The following CSMD3 variants were observed in gnomAD, a reference collection of about 807,000 sequenced individuals.
The protein encoded by CSMD3 is CUB and Sushi multiple domains 3.
CSMD3 carries 177 observed loss-of-function variants against 435.2 expected under a neutral mutation model. The observed-to-expected ratio is 0.41, with a 90% CI of 0.36 to 0.46. The LOEUF is 0.46. Among genes scored for constraint, CSMD3 ranks in the 20% least tolerant of loss-of-function variants. CSMD3 has a pLI of 0.34. For synonymous variants in CSMD3, 1,656 were observed against 1,520.5 expected (o/e 1.09, Z -2.07); for missense variants, 4,265 against 4,504.6 (o/e 0.95, Z 1.52).
intron 15 of CSMD3, among the ~76,000 whole-genome samples, chr8:112,682,857 A>T (rs1680854374): frequency 6.6e-6 from 1 of 152,082 alleles, no homozygotes; most frequent in South Asian, 2.1e-4. Flanking sequence ...TAAAATGTGA[A>T]TTACACTCTA....
chr8:112,468,036 G>A (rs1465847414), intron 32 of CSMD3, among the ~76,000 whole-genome samples: 2 of 152,238 alleles, frequency 1.3e-5, no homozygotes, highest in African/African-American at 4.8e-5. Context: ...TAGAAAGTAA[G>A]AAGAGGATGA....
intron 17 of CSMD3, among the ~76,000 whole-genome samples, chr8:112,657,572 TA>T (rs1301435052): frequency 6.6e-6 from 1 of 152,216 alleles, no homozygotes; most frequent in South Asian, 2.1e-4. Flanking sequence ...ACATCTATTT[TA>T]AAAAAATAGC....
chr8:113,210,818 T>A (rs1159113475), intron 3 of CSMD3, among the ~76,000 whole-genome samples: 2 of 151,502 alleles, frequency 1.3e-5, no homozygotes, highest in Non-Finnish European at 2.9e-5. Flanking sequence ...CAGCAGAGGC[T>A]GCAGTAAGCC....
chr8:112,385,007 T>C (rs1364721978), intron 36 of CSMD3, among the ~76,000 whole-genome samples: 1 of 152,192 alleles, frequency 6.6e-6, no homozygotes, highest in Non-Finnish European at 1.5e-5. Flanking sequence ...TGTCTAACAA[T>C]GTAAAAGGAG....
chr8:112,472,783 TA>T, intron 31 of CSMD3, 76 bp from the exon 32 acceptor site: 6 of 787,940 alleles, frequency 7.6e-6, no homozygotes, highest in South Asian at 5.5e-5. Flanking sequence ...CTTCTTCATA[TA>T]AAAAATATAT....
At chr8:113,030,743 A>T (rs1186118699) in intron 5 of CSMD3, among the ~76,000 whole-genome samples, 1 of 150,504 alleles carries the variant, frequency 6.6e-6, no homozygotes, top group African/African-American at 2.4e-5. Flanking sequence ...TACAAAATGT[A>T]AAAAAAAAGT....
chr8:112,244,396 T>C lies in CSMD3; in HGVS notation c.10400A>G (p.Glu3467Gly). ...NTWTGKVPICEAGSKILVKDP... is the reference protein window; with the variant it reads ...NTWTGKVPICGAGSKILVKDP... ...AAGATTCTATAGAGAAAACTTACCT[T>C]CACAAATGGGAACTTTTCCAGTCCA... Residue 3467 changes from glutamate (E) to glycine (G), a missense_variant and splice_region_variant, in exon 65 of 71, where the codon GAA (glutamate) becomes GGA (glycine). Glu to Gly is a moderately conservative substitution (Grantham distance 98, BLOSUM62 -2). This residue lies in a region of CSMD3 where 3,255 missense variants were observed against 3,380.2 expected (regional missense o/e 0.96). Transcript: ENST00000297405. 1 of 1,612,616 alleles carries C rather than the reference T, an allele frequency of 6.2e-7. No individual in the cohort carries two copies. The highest frequency in any genetic ancestry group is 8.5e-7 in the Non-Finnish European group (1 of 1,178,930).
chr8:112,644,081 A>C (rs2074911608), intron 20 of CSMD3, among the ~76,000 whole-genome samples: 1 of 151,722 alleles, frequency 6.6e-6, no homozygotes, highest in Admixed American at 6.6e-5. Context: ...GAGCTAAAAA[A>C]AAGTACTTTT....
chr8:112,715,811 C>T (rs1365296078), intron 13 of CSMD3, among the ~76,000 whole-genome samples: 1 of 152,138 alleles, frequency 6.6e-6, no homozygotes, highest in Non-Finnish European at 1.5e-5. Flanking sequence ...TAAACATAAC[C>T]AATGACGAAA....
chr8:112,734,827 T>C (rs745634362), intron 13 of CSMD3, among the ~76,000 whole-genome samples: 13 of 152,026 alleles, frequency 8.6e-5, no homozygotes, highest in Non-Finnish European at 1.2e-4. Context: ...TCTGAAGATA[T>C]ATTTGCAATG....
At chr8:112,530,667 G>A (rs981692) in intron 27 of CSMD3, among the ~76,000 whole-genome samples, 44,742 of 152,022 alleles carry the variant, frequency 0.29, 6,743 homozygotes, top group East Asian at 0.47. Flanking sequence ...GAAATGAAAG[G>A]ATTCTACACA....
chr8:113,349,618 T>C (rs2094175966), intron 1 of CSMD3, among the ~76,000 whole-genome samples: 2 of 152,040 alleles, frequency 1.3e-5, no homozygotes, highest in South Asian at 4.1e-4. Flanking sequence ...CCCATCTCTT[T>C]TTAAAAAAAT....
chr8:112,980,055 T>G (rs1041955053), intron 6 of CSMD3, among the ~76,000 whole-genome samples: 10 of 150,882 alleles, frequency 6.6e-5, no homozygotes, highest in African/African-American at 2.2e-4. Context: ...AGTACAATGT[T>G]AAATTTGAAA....
At chr8:112,489,125 G>C (rs779518740) in intron 31 of CSMD3, among the ~76,000 whole-genome samples, 1 of 152,072 alleles carries the variant, frequency 6.6e-6, no homozygotes, top group Non-Finnish European at 1.5e-5. Context: ...TGACTTTTAA[G>C]TATTAAGTTA....
At chr8:113,316,328 A>G (rs1246217881) in intron 1 of CSMD3, among the ~76,000 whole-genome samples, 1 of 152,204 alleles carries the variant, frequency 6.6e-6, no homozygotes, top group Non-Finnish European at 1.5e-5. Flanking sequence ...GAAATGCAGG[A>G]AATTTGGGGC....
Position 113,276,967 on chromosome 8 carries a change from T to C in CSMD3, c.514+1625A>G, listed in dbSNP as rs146803535. On this transcript the variant is annotated intron_variant, in intron 3 of 70. Transcript: ENST00000297405. ...AAACAATTGGGAGCTATGAAAATAT[T>C]TTTTAGTATGAGTTCATGAAACCTG... Among the ~76,000 whole-genome samples the C allele has an allele frequency of 3.8e-3, 579 of 152,118 alleles. 2 individuals carry two copies. The highest frequency in any genetic ancestry group is 0.013 in the African/African-American group (559 of 41,530).
chr8:112,446,936 G>A (rs939951983), intron 32 of CSMD3, among the ~76,000 whole-genome samples: 21 of 151,624 alleles, frequency 1.4e-4, no homozygotes, highest in African/African-American at 5.1e-4. Flanking sequence ...AGTATTTATT[G>A]GTCTTTCAGA....
chr8:112,638,232 A>G (rs970567124), intron 21 of CSMD3, among the ~76,000 whole-genome samples: 1 of 148,850 alleles, frequency 6.7e-6, no homozygotes, highest in East Asian at 1.9e-4. Context: ...TTATTAATTA[A>G]TTAAGATCAT....
At chr8:112,261,313 A>G (rs1302814757) in intron 61 of CSMD3, among the ~76,000 whole-genome samples, 1 of 152,138 alleles carries the variant, frequency 6.6e-6, no homozygotes, top group Non-Finnish European at 1.5e-5. Flanking sequence ...TATAAAATAC[A>G]TAACTTGCAT....
Sources: allele counts gnomAD v4.1 joint callset (sites outside exome capture counted in the v4.1 genomes callset), GRCh38; gene constraint gnomAD v4.1.1; regional missense constraint gnomAD v4.1.1; transcripts MANE v1.5; gene names NCBI Gene and HGNC (gene_info 2026-07-23, HGNC 2026-07-21).